Variants in EIF2AK3 observed in about 807,000 individuals in gnomAD.
The protein encoded by EIF2AK3 is eukaryotic translation initiation factor 2-alpha kinase 3.
EIF2AK3 carries 50 observed loss-of-function variants against 113.5 expected under a neutral mutation model. The observed-to-expected ratio is 0.44, with a 90% confidence interval of 0.35 to 0.56. EIF2AK3 has a LOEUF of 0.56. Ranked by LOEUF, EIF2AK3 falls within the 20% of genes least tolerant of loss-of-function variation. The pLI is 0.00. For missense variants in EIF2AK3, 1,185 were observed against 1,378.0 expected (o/e 0.86, Z 2.22); for synonymous variants, 448 against 495.4 (o/e 0.90, Z 1.27).
chr2:88,558,980 C>CT lies in EIF2AK3; in HGVS notation c.3088-2dup, dbSNP rs769528079. On this transcript the variant is annotated splice_acceptor_variant, in intron 15 of 16. Transcript: ENST00000303236. LOFTEE classifies it high-confidence loss of function. ...TGAGATTTCTTACATCAGTTAAGGT[C>CT]TAAAAAGAAAAAAAGTATCACTTAT... The CT allele has an allele frequency of 4.4e-6, 7 of 1,574,218 alleles. No individual in the cohort carries two copies. In the African/African-American group the frequency reaches 9.5e-5, roughly 21 times the overall value.
chr2:88,613,765 C>T lies in EIF2AK3; in HGVS notation c.397G>A (p.Gly133Arg). 1 of 1,614,080 alleles carries T rather than the reference C, an allele frequency of 6.2e-7. No individual in the cohort carries two copies. Among genetic ancestry groups the T allele is most frequent in the Non-Finnish European group, 8.5e-7 (1 of 1,179,956 alleles). ...HGKKQWDLDV[G>R]SGSLVSSSLS... ...CTGGATGACACCAAGGAACCGGATC[C>T]CACATCCAAATCCCACTGCTTTTTA... The change falls in exon 2 of 17, where the codon GGA becomes AGA. Residue 133 changes from glycine to arginine, a missense_variant. Around this residue, in one of 3 missense-constraint regions of EIF2AK3, gnomAD observed 119 missense variants for 178.7 expected, o/e 0.67. Coordinates refer to ENST00000303236, the MANE Select transcript of EIF2AK3 (RefSeq NM_004836.7).
At chr2:88,569,203 C>G (rs1408649372) in intron 14 of EIF2AK3, among the ~76,000 whole-genome samples, 1 of 151,938 alleles carries the variant, frequency 6.6e-6, no homozygotes, top group Non-Finnish European at 1.5e-5. Context: ...GGGACACTTT[C>G]TTAAAGATGA....
chr2:88,627,496 C>A (rs572888553), upstream of EIF2AK3: 7 of 494,192 alleles, frequency 1.4e-5, no homozygotes, highest in Non-Finnish European at 2.3e-5. Context: ...GCAAACTTTC[C>A]GCGCGTTTGC....
chr2:88,598,945 T>C (rs928995270), intron 2 of EIF2AK3, among the ~76,000 whole-genome samples: 1 of 151,338 alleles, frequency 6.6e-6, no homozygotes. Context: ...AGAGTGAGAG[T>C]GGGCAAGAGG....
chr2:88,592,365 A>G (rs181749483), intron 4 of EIF2AK3, among the ~76,000 whole-genome samples: 33 of 152,330 alleles, frequency 2.2e-4, no homozygotes, highest in African/African-American at 7.9e-4. Flanking sequence ...ACTACCTACT[A>G]GACATAATTA....
At chr2:88,594,921 T>C (rs1674977776) in intron 3 of EIF2AK3, among the ~76,000 whole-genome samples, 1 of 150,314 alleles carries the variant, frequency 6.7e-6, no homozygotes, top group Non-Finnish European at 1.5e-5. Flanking sequence ...AGGCTGGGCA[T>C]GGTGGCTCCT....
chr2:88,595,588 C>CAA lies in EIF2AK3; in HGVS notation c.513_514insTT (p.Glu172LeufsTer30). 6.2e-7 allele frequency: 1 copy of CAA among 1,613,950 alleles called. No individual in the cohort carries two copies. Among genetic ancestry groups the CAA allele is most frequent in the Non-Finnish European group, 8.5e-7 (1 of 1,179,914 alleles). On this transcript the variant is annotated frameshift_variant, in exon 3 of 17. Coordinates refer to ENST00000303236, the MANE Select transcript of EIF2AK3 (RefSeq NM_004836.7). LOFTEE classifies it high-confidence loss of function. Reference sequence around the variant, plus strand: ...GATTCAACTGTGAAAGGAACTGTTTCCATGCTTTCACGGTCTTGGTCCCAC... The same window carrying CAA: ...GATTCAACTGTGAAAGGAACTGTTTCAACATGCTTTCACGGTCTTGGTCCCAC...
chr2:88,624,898 T>C (rs1675821134), intron 1 of EIF2AK3: 1 of 152,270 alleles, frequency 6.6e-6, no homozygotes, highest in Non-Finnish European at 1.5e-5. Context: ...CTCTGTCCTA[T>C]ACCACTTTAC....
Position 88,585,712 on chromosome 2 carries a change from G to C in EIF2AK3, c.1650+129C>G, listed in dbSNP as rs867831800. 16 of 795,942 alleles carry C rather than the reference G, an allele frequency of 2.0e-5. No individual in the cohort carries two copies. The Middle Eastern group carries it at 2.1e-3, about 105-fold the overall frequency. The allele number at this position is 795,942 out of a possible 1,614,324, so 49.3% of individuals were successfully genotyped here. On this transcript the variant is annotated intron_variant, in intron 9 of 16. Transcript: ENST00000303236. ...TGTCCATTACATTTAACACAAGGAA[G>C]ATCACTGAGAACTTTGGCAAGAGTA...
At chr2:88,570,238 A>AGT (rs2104402037) in intron 14 of EIF2AK3, among the ~76,000 whole-genome samples, 1 of 152,322 alleles carries the variant, frequency 6.6e-6, no homozygotes, top group East Asian at 1.9e-4. Context: ...TACAAGTGTA[A>AGT]GTATGTACTG....
At chr2:88,584,180 G>A (rs1186745803) in intron 9 of EIF2AK3, among the ~76,000 whole-genome samples, 1 of 152,106 alleles carries the variant, frequency 6.6e-6, no homozygotes, top group African/African-American at 2.4e-5. Context: ...AAGGGGCTGA[G>A]GAGATGGTGG....
intron 1 of EIF2AK3, among the ~76,000 whole-genome samples, chr2:88,626,025 T>C (rs1675848411): frequency 6.6e-6 from 1 of 152,168 alleles, no homozygotes; most frequent in South Asian, 2.1e-4. Flanking sequence ...GAGCCCAGCC[T>C]TCCCTAGTTT....
chr2:88,603,324 G>A (rs1015261144), intron 2 of EIF2AK3, among the ~76,000 whole-genome samples: 4 of 152,084 alleles, frequency 2.6e-5, no homozygotes, highest in Non-Finnish European at 5.9e-5. Context: ...ATTCCTTTTT[G>A]GTCTTCAACC....
chr2:88,562,853 T>A (rs1415026311), intron 14 of EIF2AK3, among the ~76,000 whole-genome samples: 1 of 152,244 alleles, frequency 6.6e-6, no homozygotes, highest in East Asian at 1.9e-4. Context: ...TTAGGGCACT[T>A]AATTACGGAT....
intron 8 of EIF2AK3, among the ~76,000 whole-genome samples, chr2:88,587,204 C>CAAAAAAAAAAA (rs780050125): frequency 3.3e-5 from 1 of 30,276 alleles, no homozygotes; most frequent in African/African-American, 1.8e-4. Context: ...AACTCCATCT[C>CAAAAAAAAAAA]AAAAAAAAAA....
chr2:88,587,418 T>G (rs112153666), intron 8 of EIF2AK3, among the ~76,000 whole-genome samples: 7 of 152,164 alleles, frequency 4.6e-5, no homozygotes, highest in African/African-American at 1.7e-4. Flanking sequence ...TATCCTAACT[T>G]CAAAAAACTG....
chr2:88,627,573 T>G, upstream of EIF2AK3: 1 of 341,438 alleles, frequency 2.9e-6, no homozygotes, highest in East Asian at 4.7e-5. Flanking sequence ...AAGGTGGACT[T>G]TCCCTGGTGG....
chr2:88,575,501 C>A, intron 12 of EIF2AK3, 55 bp from the exon 13 acceptor site: 3 of 1,577,216 alleles, frequency 1.9e-6, no homozygotes, highest in Non-Finnish European at 1.7e-6. Context: ...GATTCAAGTA[C>A]CTGAACTGCA....
In EIF2AK3 at chr2:88,569,062, T is replaced by C. The variant is rs532935845; in HGVS notation, c.2985+1812A>G. Among the ~76,000 whole-genome samples the C allele has an allele frequency of 4.6e-5, 7 of 152,308 alleles. No individual in the cohort carries two copies. In the South Asian group the frequency reaches 1.5e-3, roughly 32 times the overall value. On this transcript the variant is annotated intron_variant, in intron 14 of 16. Transcript: ENST00000303236. ...TGCGTTACTATGCCCAGCTAATTTT[T>C]GTGTTTTTACAAGAGACGGGGTTTC...
Sources: allele counts gnomAD v4.1 joint callset (sites outside exome capture counted in the v4.1 genomes callset), GRCh38; gene constraint gnomAD v4.1.1; regional missense constraint gnomAD v4.1.1; transcripts MANE v1.5; gene names NCBI Gene and HGNC (gene_info 2026-07-23, HGNC 2026-07-21).